Variants in NKAIN2 observed in about 807,000 individuals in gnomAD.
The protein encoded by NKAIN2 is sodium/potassium-transporting ATPase subunit beta-1-interacting protein 2.
Under a neutral mutation model 32.6 loss-of-function variants are expected in NKAIN2, and 14 were observed. That is an observed-to-expected ratio of 0.43 (90% confidence interval 0.28 to 0.67). The LOEUF (loss-of-function observed/expected upper bound fraction) is 0.67, where lower values mean the gene tolerates loss of function less well. Among genes scored for constraint, NKAIN2 ranks in the 30% least tolerant of loss-of-function variants. The pLI is 0.17. For synonymous variants in NKAIN2, 80 were observed against 87.2 expected, an observed-to-expected ratio of 0.92 and a Z score of 0.46; for missense variants, 198 against 258.3, an observed-to-expected ratio of 0.77 and a Z score of 1.60.
At chr6:124,687,741 TATACAC>T (rs1470146053) in intron 4 of NKAIN2, among the ~76,000 whole-genome samples, 4 of 30,000 alleles carry the variant, frequency 1.3e-4, no homozygotes, top group African/African-American at 2.9e-4. Context: ...ATATATGATA[TATACAC>T]ACACACACAC....
At chr6:124,497,651 A>C (rs1278959114) in intron 3 of NKAIN2, among the ~76,000 whole-genome samples, 1 of 152,058 alleles carries the variant, frequency 6.6e-6, no homozygotes, top group East Asian at 1.9e-4. Flanking sequence ...ATATAAAGTA[A>C]AATTCTCAAT....
intron 1 of NKAIN2, among the ~76,000 whole-genome samples, chr6:123,994,889 A>G (rs1374069417): frequency 6.6e-6 from 1 of 152,204 alleles, no homozygotes; most frequent in Non-Finnish European, 1.5e-5. Context: ...ACATCCCAGG[A>G]AACTTTGTGC....
intron 1 of NKAIN2, among the ~76,000 whole-genome samples, chr6:123,902,293 G>A (rs1216792197): frequency 6.6e-6 from 1 of 152,256 alleles, no homozygotes; most frequent in South Asian, 2.1e-4. Context: ...TGAGTGGCCT[G>A]TGAGGATGGA....
chr6:124,367,017 G>C (rs142072335), intron 3 of NKAIN2, among the ~76,000 whole-genome samples: 1 of 148,108 alleles, frequency 6.8e-6, no homozygotes, highest in African/African-American at 2.6e-5. Context: ...TTCCCACACT[G>C]TATTGTAATA....
At chr6:124,462,638 C>G (rs1028570746) in intron 3 of NKAIN2, among the ~76,000 whole-genome samples, 6 of 151,918 alleles carry the variant, frequency 3.9e-5, no homozygotes, top group African/African-American at 1.4e-4. Flanking sequence ...AGCATTCTGA[C>G]AGTTCAATAT....
intron 3 of NKAIN2, among the ~76,000 whole-genome samples, chr6:124,620,838 G>C (rs1783078797): frequency 6.6e-6 from 1 of 152,194 alleles, no homozygotes; most frequent in Non-Finnish European, 1.5e-5. Flanking sequence ...CTTAACTCCT[G>C]CTAAAGAAAA....
intron 1 of NKAIN2, among the ~76,000 whole-genome samples, chr6:123,808,669 A>T (rs1773324732): frequency 1.3e-5 from 2 of 152,184 alleles, no homozygotes; most frequent in Admixed American, 1.3e-4. Context: ...GCTTTCTCAA[A>T]TAAAGGCTTG....
chr6:124,066,094 T>C (rs957867497), intron 1 of NKAIN2, among the ~76,000 whole-genome samples: 2 of 152,110 alleles, frequency 1.3e-5, no homozygotes, highest in African/African-American at 4.8e-5. Flanking sequence ...TTGACCACTA[T>C]CTCCAGGTCT....
intron 1 of NKAIN2, among the ~76,000 whole-genome samples, chr6:123,899,939 C>T (rs542670476): frequency 1.3e-5 from 2 of 152,214 alleles, no homozygotes; most frequent in Admixed American, 6.5e-5. Flanking sequence ...CTGAGCCGAG[C>T]ACGGGAGTGT....
chr6:124,298,230 CT>C (rs957846471), intron 2 of NKAIN2, among the ~76,000 whole-genome samples: 11 of 151,960 alleles, frequency 7.2e-5, no homozygotes, highest in South Asian at 2.1e-4. Flanking sequence ...TTTAGCAGAA[CT>C]TTTTTTTAAT....
intron 1 of NKAIN2, among the ~76,000 whole-genome samples, chr6:124,050,892 A>T (rs1023223029): frequency 6.6e-6 from 1 of 152,016 alleles, no homozygotes; most frequent in Admixed American, 6.6e-5. Flanking sequence ...GTGATTTGGG[A>T]ATTTGGCAGA....
At chr6:124,540,068 A>G (rs187663453) in intron 3 of NKAIN2, among the ~76,000 whole-genome samples, 1 of 152,372 alleles carries the variant, frequency 6.6e-6, no homozygotes, top group Admixed American at 6.5e-5. Context: ...TGCATTAAAT[A>G]TGCTTAGTGT....
rs1172159075 is a variant in NKAIN2, at chr6:124,530,012, G to T, written c.274-128174G>T. ...TCCTCTCATAAGAAGAGGCCAGAGA[G>T]CTAGCTAGTTTTCTTTTCCCCATGT... On this transcript the variant is annotated intron_variant, in intron 3 of 6. Coordinates refer to ENST00000368417, the MANE Select transcript of NKAIN2 (RefSeq NM_001040214.3). Among the ~76,000 whole-genome samples the T allele has an allele frequency of 8.5e-5, 13 of 152,304 alleles. No homozygotes were observed. The East Asian group carries it at 2.3e-3, about 27-fold the overall frequency.
chr6:123,886,153 G>A (rs573416579), intron 1 of NKAIN2, among the ~76,000 whole-genome samples: 25 of 152,058 alleles, frequency 1.6e-4, no homozygotes, highest in Non-Finnish European at 1.5e-4. Flanking sequence ...AGATTCACTG[G>A]TGAAAGTAAA....
chr6:124,735,201 G>A (rs1760786491), intron 4 of NKAIN2, among the ~76,000 whole-genome samples: 1 of 151,850 alleles, frequency 6.6e-6, no homozygotes, highest in African/African-American at 2.4e-5. Context: ...ACTTGCAGCT[G>A]CCCAGATCTA....
At chr6:123,895,245 A>ACAGCAGCAGCAGCAG (rs560084577) in intron 1 of NKAIN2, among the ~76,000 whole-genome samples, 1 of 151,286 alleles carries the variant, frequency 6.6e-6, no homozygotes, top group African/African-American at 2.4e-5. Flanking sequence ...ACACACAGCA[A>ACAGCAGCAGCAGCAG]CAGCAGCAGC....
chr6:124,688,236 A>T (rs1192331727), intron 4 of NKAIN2, among the ~76,000 whole-genome samples: 2 of 152,068 alleles, frequency 1.3e-5, no homozygotes, highest in Non-Finnish European at 2.9e-5. Flanking sequence ...TTATATTTGT[A>T]TCATGTACTC....
chr6:124,515,315 A>G (rs923169151), intron 3 of NKAIN2, among the ~76,000 whole-genome samples: 6 of 152,040 alleles, frequency 3.9e-5, no homozygotes, highest in Non-Finnish European at 7.4e-5. Flanking sequence ...AGAATTAAGT[A>G]TTTACATCCG....
intron 3 of NKAIN2, among the ~76,000 whole-genome samples, chr6:124,381,077 T>C (rs1419105205): frequency 1.3e-5 from 2 of 152,214 alleles, no homozygotes; most frequent in Non-Finnish European, 2.9e-5. Flanking sequence ...AATATGTATA[T>C]ATTAGAACCA....
Sources: gnomAD v4.1 joint callset for allele counts (sites outside exome capture counted in the v4.1 genomes callset) on GRCh38, gnomAD v4.1.1 for gene constraint, MANE v1.5 for transcripts, NCBI Gene and HGNC (gene_info 2026-07-23, HGNC 2026-07-21) for gene names.